Variants in PEX5L observed in about 807,000 individuals in gnomAD.
PEX5L encodes peroxisomal biogenesis factor 5 like, also known as PEX5-related protein.
PEX5L carries 30 observed loss-of-function variants against 84.0 expected under a neutral mutation model. The observed-to-expected ratio is 0.36, with a 90% confidence interval of 0.27 to 0.48. The LOEUF (loss-of-function observed/expected upper bound fraction) is 0.48, where lower values mean the gene tolerates loss of function less well. PEX5L is among the 20% of genes least tolerant of loss of function. The pLI, the probability that PEX5L is intolerant of heterozygous loss-of-function variation, is 0.99. For missense variants in PEX5L, 533 were observed against 754.6 expected (o/e 0.71, Z 3.44); for synonymous variants, 270 against 283.1 (o/e 0.95, Z 0.46).
At position 179,878,322 on chromosome 3, in the gene PEX5L, T is replaced by C. The variant is rs553018257; in HGVS notation, c.505+1607A>G. ...CATTATCCCCCTTGTCACTATTGGA[T>C]CTCTGTACTGGTCTCCTTGCCTCTA... On this transcript the variant is annotated intron_variant, in intron 5 of 14. Transcript: ENST00000467460. Among the ~76,000 whole-genome samples the C allele has an allele frequency of 2.2e-4, 33 of 152,328 alleles. No individual in the cohort carries two copies. In the South Asian group the frequency reaches 6.8e-3, roughly 32 times the overall value.
At chr3:179,987,032 C>T (rs1307120820) in intron 1 of PEX5L, among the ~76,000 whole-genome samples, 1 of 152,102 alleles carries the variant, frequency 6.6e-6, no homozygotes, top group Non-Finnish European at 1.5e-5. Context: ...GCCAGGTCTG[C>T]TATGTACCAG....
chr3:179,900,652 C>A, intron 2 of PEX5L: 1 of 1,512,522 alleles, frequency 6.6e-7, no homozygotes, highest in Non-Finnish European at 8.9e-7. Flanking sequence ...CTTTTTATTT[C>A]TTGCAGAAAA....
chr3:179,819,759 A>T (rs182377614), intron 9 of PEX5L, 101 bp downstream of exon 9: 1 of 992,686 alleles, frequency 1.0e-6, no homozygotes, highest in East Asian at 2.4e-5. Context: ...TGTCTTTTTA[A>T]TTACTGTGTT....
intron 1 of PEX5L, among the ~76,000 whole-genome samples, chr3:180,028,492 A>T (rs1791164287): frequency 6.6e-6 from 1 of 152,214 alleles, no homozygotes; most frequent in Non-Finnish European, 1.5e-5. Context: ...TAAATGCCAA[A>T]CATCTAGCTA....
chr3:179,871,033 T>C (rs1301609848), intron 7 of PEX5L, among the ~76,000 whole-genome samples: 2 of 152,024 alleles, frequency 1.3e-5, no homozygotes, highest in Non-Finnish European at 2.9e-5. Flanking sequence ...CTGCCTCATA[T>C]AATTTATGTT....
Position 179,883,145 on chromosome 3 carries a change from CAT to C in PEX5L, c.311-3024_311-3023del, listed in dbSNP as rs990737266. Among the ~76,000 whole-genome samples, 137 of 152,178 alleles carry C rather than the reference CAT, an allele frequency of 9.0e-4. 1 individual carries two copies. Among genetic ancestry groups the C allele is most frequent in the African/African-American group, 3.2e-3 (135 of 41,544 alleles). ...AAAAGTGTGTGCGTGTGTGTATGCA[CAT>C]GTGTGTGTATGCGTGTGATAGTGTA... On this transcript the variant is annotated intron_variant, in intron 4 of 14. Transcript: ENST00000467460.
At chr3:179,815,711 T>C (rs561348842) in intron 10 of PEX5L, 150 bp downstream of exon 10, 12 of 763,930 alleles carry the variant, frequency 1.6e-5, no homozygotes, top group South Asian at 8.2e-5. Flanking sequence ...CGGGTACTTA[T>C]TTGTAACTTT....
At chr3:179,863,842 G>A (rs547413324) in intron 7 of PEX5L, among the ~76,000 whole-genome samples, 3 of 152,238 alleles carry the variant, frequency 2.0e-5, no homozygotes, top group South Asian at 4.1e-4. Flanking sequence ...TATCTGATAT[G>A]GTTTGGCTGT....
chr3:179,872,097 C>T (rs1397093772), intron 7 of PEX5L, among the ~76,000 whole-genome samples: 1 of 152,150 alleles, frequency 6.6e-6, no homozygotes, highest in East Asian at 1.9e-4. Flanking sequence ...GTATCCCAGG[C>T]TGATCTCAAA....
At chr3:179,808,045 TCAA>T (rs1368101975) in intron 13 of PEX5L, among the ~76,000 whole-genome samples, 5 of 152,362 alleles carry the variant, frequency 3.3e-5, no homozygotes, top group Admixed American at 6.5e-5. Flanking sequence ...GATGTTGTCA[TCAA>T]CAACATCAAT....
At chr3:179,867,174 A>G (rs1748632811) in intron 7 of PEX5L, among the ~76,000 whole-genome samples, 1 of 152,132 alleles carries the variant, frequency 6.6e-6, no homozygotes, top group South Asian at 2.1e-4. Context: ...TTCTATGTTG[A>G]AGAATATTGA....
At position 180,036,831 on chromosome 3, in the gene PEX5L, G is replaced by C; in HGVS notation, c.-232C>G. The C allele has an allele frequency of 3.5e-6, 2 of 569,986 alleles. No homozygotes were observed. Among genetic ancestry groups the C allele is most frequent in the East Asian group, 5.7e-5 (2 of 34,884 alleles). 35.3% of individuals were successfully genotyped at this position (569,986 alleles called of 1,614,324 possible). A position where few individuals can be genotyped will look rare whatever the true frequency, so the allele number is the denominator to read the frequency against. On this transcript the variant is annotated 5_prime_UTR_variant, in exon 1 of 15. Coordinates refer to ENST00000467460, the MANE Select transcript of PEX5L (RefSeq NM_016559.3). ...GAAAGCGGACGCGGGAGAGCGCGCA[G>C]AGAAGGCGAGGAGCCGGGTCGGCCA...
At chr3:179,842,416 C>T (rs1340143106) in intron 8 of PEX5L, among the ~76,000 whole-genome samples, 1 of 152,106 alleles carries the variant, frequency 6.6e-6, no homozygotes, top group African/African-American at 2.4e-5. Context: ...AGAGCTAAAA[C>T]AGGAAACTAT....
intron 1 of PEX5L, among the ~76,000 whole-genome samples, chr3:179,996,141 AC>A (rs756052832): frequency 3.2e-4 from 49 of 151,896 alleles, no homozygotes; most frequent in Non-Finnish European, 5.7e-4. Context: ...CACCCCCAAC[AC>A]CCCTGTTAGC....
intron 2 of PEX5L, among the ~76,000 whole-genome samples, chr3:179,932,793 T>C (rs965770692): frequency 1.3e-5 from 2 of 152,200 alleles, no homozygotes; most frequent in African/African-American, 4.8e-5. Flanking sequence ...TTTTGAAATA[T>C]GCATGCATTG....
intron 9 of PEX5L, among the ~76,000 whole-genome samples, chr3:179,818,482 CA>C (rs1727053967): frequency 6.6e-6 from 1 of 151,994 alleles, no homozygotes; most frequent in Non-Finnish European, 1.5e-5. Flanking sequence ...TTAAAAGGTA[CA>C]ATAAATTATT....
intron 2 of PEX5L, among the ~76,000 whole-genome samples, chr3:179,949,256 C>G (rs1778432168): frequency 1.3e-5 from 2 of 152,202 alleles, no homozygotes; most frequent in South Asian, 4.2e-4. Flanking sequence ...ACTTATTATT[C>G]CAGCATCCAG....
intron 1 of PEX5L, among the ~76,000 whole-genome samples, chr3:180,013,990 A>G (rs567933474): frequency 5.3e-5 from 8 of 152,342 alleles, no homozygotes; most frequent in East Asian, 3.9e-4. Flanking sequence ...GCAAACTGCA[A>G]TAACTACAAG....
chr3:179,977,101 G>T (rs954203588), intron 1 of PEX5L, among the ~76,000 whole-genome samples: 1 of 152,168 alleles, frequency 6.6e-6, no homozygotes, highest in Non-Finnish European at 1.5e-5. Flanking sequence ...ATGAGGTTGT[G>T]CATGATCTAT....
Sources: gnomAD v4.1 joint callset for allele counts (sites outside exome capture counted in the v4.1 genomes callset) on GRCh38, gnomAD v4.1.1 for gene constraint, MANE v1.5 for transcripts, NCBI Gene and HGNC (gene_info 2026-07-23, HGNC 2026-07-21) for gene names.